The following LRP2 variants were observed in gnomAD, a reference collection of about 807,000 sequenced individuals.
LRP2 encodes the protein LDL receptor related protein 2.
LRP2 carries 172 observed loss-of-function variants against 531.0 expected under a neutral mutation model. That is an observed-to-expected ratio of 0.32 (90% CI 0.29 to 0.37). The LOEUF (loss-of-function observed/expected upper bound fraction) is 0.37, where lower values mean the gene tolerates loss of function less well. LRP2 is among the 10% of genes least tolerant of loss of function. The pLI is 1.00. For missense variants in LRP2, 5,167 were observed against 5,868.3 expected (o/e 0.88, Z 3.90); for synonymous variants, 1,992 against 2,027.6 (o/e 0.98, Z 0.47).
rs763723203 is a variant in LRP2 at position 169,145,808 on chromosome 2, C to G, written c.12927G>C (p.Leu4309=). The change falls in exon 70 of 79, where the codon CTG becomes CTC. Residue 4309 remains leucine (L), a synonymous_variant. Transcript: ENST00000649046. ...KFGQGKKEKT[L]VVNPWLTQVR... is the part of the protein sequence containing the mutation. The stretch of plus-strand genomic sequence containing the variant: ...CTTGAGTGAGCCAAGGGTTCACTAC[C>G]AGCGTTTTCTCTTTCTTTCCTTGCC... 6.2e-7 allele frequency: 1 copy of G among 1,613,964 alleles called. No homozygotes were observed. Among genetic ancestry groups the G allele is most frequent in the Non-Finnish European group, 8.5e-7 (1 of 1,179,984 alleles).
chr2:169,333,638 G>A (rs1685325579), intron 1 of LRP2, among the ~76,000 whole-genome samples: 1 of 152,070 alleles, frequency 6.6e-6, no homozygotes. Context: ...TCCCTATAGA[G>A]AAACAAATGT....
At chr2:169,174,200 G>T (rs761953609) in intron 55 of LRP2, 36 bp from the exon 56 acceptor site, 3 of 1,613,800 alleles carry the variant, frequency 1.9e-6, no homozygotes, top group Non-Finnish European at 2.5e-6. Flanking sequence ...AGCTTGGAAG[G>T]CATCAAGAAT....
At chr2:169,171,089 T>C (rs1194679171) in intron 58 of LRP2, among the ~76,000 whole-genome samples, 2 of 152,088 alleles carry the variant, frequency 1.3e-5, no homozygotes, top group African/African-American at 2.4e-5. Flanking sequence ...TTCTATTTCG[T>C]GAAACTCTAG....
intron 3 of LRP2, among the ~76,000 whole-genome samples, chr2:169,312,671 A>G (rs1684646490): frequency 6.6e-6 from 1 of 152,070 alleles, no homozygotes. Flanking sequence ...GAATCTGACA[A>G]TTACGTGTCT....
chr2:169,271,118 A>G lies in LRP2; in HGVS notation c.2117-11T>C, dbSNP rs1405441480. On this transcript the variant is annotated splice_polypyrimidine_tract_variant and intron_variant, in intron 15 of 78. Transcript: ENST00000649046. ...GGAAATTCTGAACAGCTGTAGGAAGAATAACACAGCACAGTCAGTCACAGC... is the reference window on the plus strand; with the variant it reads ...GGAAATTCTGAACAGCTGTAGGAAGGATAACACAGCACAGTCAGTCACAGC... 1.3e-6 allele frequency: 2 copies of G among 1,596,900 alleles called. No homozygotes were observed. The highest frequency in any genetic ancestry group is 2.7e-5 in the African/African-American group (2 of 74,554).
At chr2:169,216,466 A>G in intron 34 of LRP2, 36 bp from the exon 35 acceptor site, 1 of 1,606,622 alleles carries the variant, frequency 6.2e-7, no homozygotes, top group Non-Finnish European at 8.5e-7. Flanking sequence ...GTAACAAAAC[A>G]GAAGGTGGAT....
Position 169,139,560 on chromosome 2 carries a change from C to T in LRP2, c.13250G>A (p.Gly4417Asp), listed in dbSNP as rs41268685. 27,547 of 1,614,114 alleles carry T rather than the reference C, an allele frequency of 0.017. 290 individuals carry two copies. Among genetic ancestry groups the T allele is most frequent in the Middle Eastern group, 0.03 (179 of 6,062 alleles). Residue 4417 changes from glycine (G) to aspartate (D), a missense_variant, in exon 73 of 79, where the codon GGC (glycine) becomes GAC (aspartate). By Grantham distance (94) the Gly-to-Asp change is moderately conservative. Around this residue, in one of 6 missense-constraint regions of LRP2, gnomAD observed 348 missense variants for 369.3 expected, o/e 0.94. Coordinates refer to ENST00000649046, the MANE Select transcript of LRP2 (RefSeq NM_004525.3). ...AAACTTACTTGTTCCTGGAGAGATG[C>T]CTTTTGAAAACGCCATTTCACAATA... ...GKYCEMAFSK[G>D]ISPGTTAVAV...
At chr2:169,328,807 G>A (rs1171303512) in intron 1 of LRP2, among the ~76,000 whole-genome samples, 16 of 152,228 alleles carry the variant, frequency 1.1e-4, no homozygotes, top group Admixed American at 1.0e-3. Flanking sequence ...TGACTCCAGA[G>A]CCTGTACTTA....
In LRP2 at chr2:169,129,027, G is replaced by T. The variant is rs1469176176; in HGVS notation, c.13786C>A (p.Pro4596Thr). The T allele has an allele frequency of 8.7e-6, 14 of 1,610,980 alleles. No individual in the cohort carries two copies. Among genetic ancestry groups the T allele is most frequent in the Non-Finnish European group, 1.1e-5 (13 of 1,177,274 alleles). ...KSKQTTNFEN[P>T]IYAQMENEQK... The stretch of plus-strand genomic sequence containing the variant: ...TTAAAAATTACCTGTGCATAGATTG[G>T]ATTTTCAAAGTTGGTAGTTTGTTTA... Residue 4596 changes from proline (P) to threonine (T), a missense_variant, in exon 78 of 79, where the codon CCA becomes ACA. Pro to Thr is a conservative substitution (Grantham distance 38). Coordinates refer to ENST00000649046, the MANE Select transcript of LRP2 (RefSeq NM_004525.3).
At chr2:169,198,370 C>T (rs548227605) in intron 45 of LRP2, among the ~76,000 whole-genome samples, 40 of 152,134 alleles carry the variant, frequency 2.6e-4, no homozygotes, top group African/African-American at 9.2e-4. Context: ...GCTGTGATCA[C>T]ACCACTACAC....
At chr2:169,152,582 C>A (rs1267232843) in intron 67 of LRP2, among the ~76,000 whole-genome samples, 2 of 151,872 alleles carry the variant, frequency 1.3e-5, no homozygotes, top group South Asian at 2.1e-4. Flanking sequence ...TTTTTCATGG[C>A]CCACAAAGAA....
intron 3 of LRP2, among the ~76,000 whole-genome samples, chr2:169,318,457 T>G (rs909047332): frequency 6.6e-6 from 1 of 152,156 alleles, no homozygotes; most frequent in African/African-American, 2.4e-5. Flanking sequence ...ACCACACACA[T>G]GAAGACACCC....
Position 169,291,213 on chromosome 2 carries a change from A to G in LRP2, c.770-216T>C, listed in dbSNP as rs831020. 0.86 allele frequency among the ~76,000 whole-genome samples: 130,495 copies of G among 152,194 alleles called. 56,147 individuals are homozygous for G. The highest frequency in any genetic ancestry group is 0.96 in the East Asian group (4,987 of 5,188). ...TGGAATTACTCCACTTTTCCTGGAAAAGGCAGCCCCCAGTAGGGTTATAAG... is the reference window on the plus strand; with the variant it reads ...TGGAATTACTCCACTTTTCCTGGAAGAGGCAGCCCCCAGTAGGGTTATAAG... On this transcript the variant is annotated intron_variant, in intron 7 of 78. Coordinates refer to ENST00000649046, the MANE Select transcript of LRP2 (RefSeq NM_004525.3).
intron 48 of LRP2, 76 bp downstream of exon 48, chr2:169,191,756 G>T: frequency 1.6e-6 from 2 of 1,259,594 alleles, no homozygotes; most frequent in Non-Finnish European, 1.2e-6. Context: ...TGGCCACGGG[G>T]TGCCTGATAG....
At chr2:169,292,851 A>G (rs906020272) in intron 6 of LRP2, among the ~76,000 whole-genome samples, 1 of 151,622 alleles carries the variant, frequency 6.6e-6, no homozygotes, top group East Asian at 1.9e-4. Flanking sequence ...AAAAAAAAAA[A>G]AAAAAAATTA....
chr2:169,144,104 G>A (rs1685822154), intron 70 of LRP2, among the ~76,000 whole-genome samples: 1 of 152,268 alleles, frequency 6.6e-6, no homozygotes, highest in Admixed American at 6.5e-5. Flanking sequence ...CTCCCATAAG[G>A]ATCCCAAGAC....
intron 68 of LRP2, among the ~76,000 whole-genome samples, chr2:169,147,515 C>T (rs936392944): frequency 6.6e-6 from 1 of 152,122 alleles, no homozygotes; most frequent in Non-Finnish European, 1.5e-5. Context: ...GTGGTTTGAC[C>T]AGTGCTGCCC....
intron 9 of LRP2, among the ~76,000 whole-genome samples, chr2:169,284,350 C>T (rs769462367): frequency 6.8e-5 from 10 of 147,354 alleles, no homozygotes; most frequent in South Asian, 6.5e-4. Flanking sequence ...CTGCAACCTC[C>T]GCCTCCCGGG....
chr2:169,157,723 T>C (rs1686385932), intron 63 of LRP2, among the ~76,000 whole-genome samples: 1 of 151,994 alleles, frequency 6.6e-6, no homozygotes, highest in African/African-American at 2.4e-5. Context: ...GCTAAAACTT[T>C]GAGGCAATTT....
Sources: gnomAD v4.1 joint callset for allele counts (sites outside exome capture counted in the v4.1 genomes callset) on GRCh38, gnomAD v4.1.1 for gene constraint, gnomAD v4.1.1 regional missense constraint, MANE v1.5 for transcripts, NCBI Gene and HGNC (gene_info 2026-07-23, HGNC 2026-07-21) for gene names.